Variants in TESK2 observed in about 807,000 individuals in gnomAD.
The protein encoded by TESK2 is dual specificity testis-specific protein kinase 2.
In TESK2, 39 loss-of-function variants were observed where a neutral mutation model predicts 57.1. That is an observed-to-expected ratio of 0.68 (90% CI 0.53 to 0.89). The LOEUF (loss-of-function observed/expected upper bound fraction) is 0.89, where lower values mean the gene tolerates loss of function less well. TESK2 is among the 40% of genes least tolerant of loss of function. The pLI is 0.00. For missense variants in TESK2, 646 were observed against 732.1 expected (o/e 0.88, Z 1.36); for synonymous variants, 249 against 267.9 (o/e 0.93, Z 0.69).
chr1:45,419,806 C>CA (rs886815850), intron 3 of TESK2, among the ~76,000 whole-genome samples: 3 of 149,382 alleles, frequency 2.0e-5, no homozygotes, highest in Admixed American at 6.7e-5. Flanking sequence ...AACTCCGTCT[C>CA]AAAAAAAAAG....
chr1:45,474,932 A>T (rs1032026763), intron 1 of TESK2, among the ~76,000 whole-genome samples: 3 of 151,730 alleles, frequency 2.0e-5, no homozygotes, highest in African/African-American at 7.3e-5. Context: ...GAATTTATGA[A>T]TTTCCAGGAT....
intron 2 of TESK2, among the ~76,000 whole-genome samples, chr1:45,456,424 C>A (rs1290584814): frequency 6.6e-6 from 1 of 151,800 alleles, no homozygotes; most frequent in Admixed American, 6.6e-5. Context: ...GAGGCTGAGG[C>A]AGGAGAATTG....
intron 2 of TESK2, among the ~76,000 whole-genome samples, chr1:45,444,031 T>G (rs1557576143): frequency 6.6e-6 from 1 of 152,072 alleles, no homozygotes; most frequent in Admixed American, 6.6e-5. Flanking sequence ...ATTTAAAAAT[T>G]AGCCGGGTGT....
chr1:45,359,110 T>C (rs952246912), intron 4 of TESK2, among the ~76,000 whole-genome samples: 2 of 152,202 alleles, frequency 1.3e-5, no homozygotes, highest in African/African-American at 4.8e-5. Flanking sequence ...AGAGGAGAAA[T>C]ATCTGAATTC....
At chr1:45,397,891 C>A (rs890404785) in intron 3 of TESK2, among the ~76,000 whole-genome samples, 1 of 152,110 alleles carries the variant, frequency 6.6e-6, no homozygotes, top group Admixed American at 6.6e-5. Flanking sequence ...GACATGTCCA[C>A]ATATTAAATC....
At chr1:45,434,392 A>G (rs1032917123) in intron 2 of TESK2, among the ~76,000 whole-genome samples, 1 of 151,834 alleles carries the variant, frequency 6.6e-6, no homozygotes, top group African/African-American at 2.4e-5. Flanking sequence ...TCTGGGCTCA[A>G]GCGATCCTCC....
chr1:45,482,701 C>G (rs1324241576), intron 1 of TESK2, among the ~76,000 whole-genome samples: 1 of 151,758 alleles, frequency 6.6e-6, no homozygotes, highest in Admixed American at 6.6e-5. Context: ...TACCTGGGGC[C>G]AGGCGTGGTT....
chr1:45,355,273 C>A, intron 5 of TESK2, 30 bp downstream of exon 5: 2 of 1,611,272 alleles, frequency 1.2e-6, no homozygotes, highest in South Asian at 1.1e-5. Flanking sequence ...TGGTATCTCT[C>A]AATGAGTTGT....
intron 1 of TESK2, among the ~76,000 whole-genome samples, chr1:45,459,978 G>A (rs917859166): frequency 6.6e-6 from 1 of 152,114 alleles, no homozygotes; most frequent in Non-Finnish European, 1.5e-5. Context: ...ACCAAATATC[G>A]CATGTTCTCA....
intron 1 of TESK2, among the ~76,000 whole-genome samples, chr1:45,485,739 TC>T (rs1435781390): frequency 1.3e-5 from 2 of 150,790 alleles, no homozygotes; most frequent in African/African-American, 4.9e-5. Flanking sequence ...CAGGCTGGTC[TC>T]GAACTCCTGA....
At chr1:45,427,407 G>A (rs1379686994) in intron 2 of TESK2, among the ~76,000 whole-genome samples, 2 of 152,134 alleles carry the variant, frequency 1.3e-5, no homozygotes, top group African/African-American at 4.8e-5. Flanking sequence ...TCCCACTGCT[G>A]GGTATATACC....
At chr1:45,348,047 G>T in intron 5 of TESK2, 47 bp from the exon 6 acceptor site, 7 of 1,317,518 alleles carry the variant, frequency 5.3e-6, no homozygotes, top group Non-Finnish European at 6.6e-6. Context: ...TCAGAAGCGG[G>T]GATCAGCCAT....
chr1:45,346,070 G>T, intron 9 of TESK2, 76 bp from the exon 10 acceptor site: 2 of 1,161,290 alleles, frequency 1.7e-6, no homozygotes, highest in Non-Finnish European at 2.6e-6. Context: ...TCTATTTCTG[G>T]CATCTTTGAA....
At position 45,384,363 on chromosome 1, in the gene TESK2, G is replaced by C. The variant is rs78282861; in HGVS notation, c.393+1549C>G. 2.8e-3 allele frequency among the ~76,000 whole-genome samples: 414 copies of C among 146,788 alleles called. 1 individual carries two copies. The highest frequency in any genetic ancestry group is 3.9e-3 in the African/African-American group (153 of 39,076). ...TGTATGTATGTATGTATGTACGTAC[G>C]TATCTATCTATCTATCTATCTATCT... On this transcript the variant is annotated intron_variant, in intron 4 of 10. Coordinates refer to ENST00000372086, the MANE Select transcript of TESK2 (RefSeq NM_007170.3).
At chr1:45,471,100 G>A (rs916780346) in intron 1 of TESK2, among the ~76,000 whole-genome samples, 4 of 151,982 alleles carry the variant, frequency 2.6e-5, no homozygotes, top group Non-Finnish European at 5.9e-5. Context: ...GCATGGTGAC[G>A]TGCACCTATA....
intron 2 of TESK2, among the ~76,000 whole-genome samples, chr1:45,442,079 C>G (rs10890329): frequency 0.51 from 76,806 of 151,786 alleles, 19,682 homozygotes; most frequent in African/African-American, 0.57. Context: ...TGGGATTACA[C>G]GCATGCACCA....
chr1:45,455,819 A>G (rs1652065440), intron 2 of TESK2, among the ~76,000 whole-genome samples: 1 of 152,180 alleles, frequency 6.6e-6, no homozygotes, highest in African/African-American at 2.4e-5. Flanking sequence ...AGAAGCTGGA[A>G]ATGGTACATA....
intron 2 of TESK2, among the ~76,000 whole-genome samples, chr1:45,440,242 C>A (rs1439775360): frequency 6.6e-6 from 1 of 151,922 alleles, no homozygotes; most frequent in Non-Finnish European, 1.5e-5. Flanking sequence ...TGAGCCACCA[C>A]ACTTTGCCAA....
chr1:45,421,868 G>C, intron 2 of TESK2, 22 bp from the exon 3 acceptor site: 2 of 1,613,010 alleles, frequency 1.2e-6, no homozygotes, highest in Non-Finnish European at 1.7e-6. Flanking sequence ...AATAGAACAA[G>C]AAAAGAGGGT....
Sources: allele counts gnomAD v4.1 joint callset (sites outside exome capture counted in the v4.1 genomes callset), GRCh38; gene constraint gnomAD v4.1.1; transcripts MANE v1.5; gene names NCBI Gene and HGNC (gene_info 2026-07-23, HGNC 2026-07-21).